BRINP1: variants seen among roughly 807,000 people sequenced by gnomAD.
BRINP1 encodes the protein BMP/retinoic acid inducible neural specific 1, also known as BMP/retinoic acid-inducible neural-specific protein 1.
In BRINP1, 17 loss-of-function variants were observed where a neutral mutation model predicts 72.9. The ratio of observed to expected loss-of-function variants is 0.23; its 90% CI spans 0.16 to 0.35. The LOEUF is 0.35. Ranked by LOEUF, BRINP1 falls within the 10% of genes least tolerant of loss-of-function variation. BRINP1 has a pLI of 1.00. For synonymous variants in BRINP1, 418 were observed against 378.5 expected (o/e 1.10, Z -1.21); for missense variants, 850 against 1,001.6 (o/e 0.85, Z 2.04).
intron 7 of BRINP1, among the ~76,000 whole-genome samples, chr9:119,188,614 T>A (rs532455631): frequency 6.6e-6 from 1 of 151,922 alleles, no homozygotes; most frequent in African/African-American, 2.4e-5. Flanking sequence ...GTTTTAAAAA[T>A]AATCATAAAA....
intron 1 of BRINP1, among the ~76,000 whole-genome samples, chr9:119,352,159 C>A (rs1015559262): frequency 6.6e-6 from 1 of 152,164 alleles, no homozygotes; most frequent in African/African-American, 2.4e-5. Flanking sequence ...AAGTCAGCAA[C>A]CATCCCAAGA....
intron 7 of BRINP1, among the ~76,000 whole-genome samples, chr9:119,184,925 AAAT>A (rs1307062815): frequency 1.2e-4 from 19 of 152,192 alleles, no homozygotes; most frequent in African/African-American, 4.6e-4. Flanking sequence ...TGAGAAAAGG[AAAT>A]AATAATGCTT....
chr9:119,335,569 G>A (rs1425959479), intron 1 of BRINP1, among the ~76,000 whole-genome samples: 1 of 151,996 alleles, frequency 6.6e-6, no homozygotes, highest in East Asian at 1.9e-4. Context: ...TCAGTGATTT[G>A]ATCAACAGGA....
At chr9:119,201,187 G>A (rs1380717069) in intron 7 of BRINP1, among the ~76,000 whole-genome samples, 1 of 152,190 alleles carries the variant, frequency 6.6e-6, no homozygotes, top group Non-Finnish European at 1.5e-5. Context: ...AGTAGATTCT[G>A]GGAGACTTAG....
At chr9:119,242,251 T>A (rs1453294963) in intron 3 of BRINP1, 35 bp from the exon 4 acceptor site, 1 of 1,597,084 alleles carries the variant, frequency 6.3e-7, no homozygotes, top group Non-Finnish European at 8.6e-7. Context: ...AGAAGGTTTG[T>A]GGAGCTTTCA....
chr9:119,261,862 G>A (rs778466045), intron 2 of BRINP1, among the ~76,000 whole-genome samples: 1 of 125,592 alleles, frequency 8.0e-6, no homozygotes, highest in South Asian at 2.5e-4. Flanking sequence ...TCTTTTCCTC[G>A]CCTCTCTTTC....
At chr9:119,323,405 G>C (rs1458294534) in intron 1 of BRINP1, among the ~76,000 whole-genome samples, 1 of 152,224 alleles carries the variant, frequency 6.6e-6, no homozygotes, top group Non-Finnish European at 1.5e-5. Flanking sequence ...ATAGATCAGA[G>C]GTGGGCCACC....
chr9:119,167,992 G>A lies in BRINP1; in HGVS notation c.1378C>T (p.Arg460Cys), dbSNP rs370571795. Reference protein sequence around the residue: ...CNKGYKLYRGRCEPQNVDSER... With the variant: ...CNKGYKLYRGCCEPQNVDSER... ...GAGTCCACGTTCTGTGGTTCACAGC[G>A]GCCTCGATACAGCTTGTAGCCCTTG... The change falls in exon 8 of 8, where the codon CGC (arginine) becomes TGC (cysteine). Residue 460 changes from arginine to cysteine, a missense_variant. Transcript: ENST00000265922. The surrounding 1 kb of genome is among the most constrained non-coding windows in gnomAD (Gnocchi z 4.3). 2.4e-5 allele frequency: 38 copies of A among 1,614,212 alleles called. No homozygotes were observed. The highest frequency in any genetic ancestry group is 1.7e-4 in the Middle Eastern group (1 of 6,060).
chr9:119,211,377 A>G (rs1829925493), intron 6 of BRINP1, among the ~76,000 whole-genome samples: 1 of 152,088 alleles, frequency 6.6e-6, no homozygotes, highest in Non-Finnish European at 1.5e-5. Flanking sequence ...TTGTAGTTTT[A>G]GTAGAGACAG....
chr9:119,253,258 C>T (rs1488616636), intron 2 of BRINP1, among the ~76,000 whole-genome samples: 3 of 152,154 alleles, frequency 2.0e-5, no homozygotes, highest in African/African-American at 4.8e-5. Context: ...AATGCCACTA[C>T]TAGGCATATA....
At chr9:119,292,544 A>C (rs1830830878) in intron 2 of BRINP1, among the ~76,000 whole-genome samples, 1 of 152,238 alleles carries the variant, frequency 6.6e-6, no homozygotes, top group South Asian at 2.1e-4. Context: ...AAACGAATGA[A>C]TGAAAACAAA....
chr9:119,365,030 C>T (rs1304170657), intron 1 of BRINP1, among the ~76,000 whole-genome samples: 1 of 152,064 alleles, frequency 6.6e-6, no homozygotes, highest in Non-Finnish European at 1.5e-5. Flanking sequence ...TGTGTCAGTC[C>T]CTGGAATACA....
chr9:119,355,714 G>A (rs531430620), intron 1 of BRINP1, among the ~76,000 whole-genome samples: 14 of 141,112 alleles, frequency 9.9e-5, no homozygotes, highest in Admixed American at 2.2e-4. Context: ...GGGCGACAGA[G>A]CAAGACTCCG....
chr9:119,278,879 T>G (rs1830681516), intron 2 of BRINP1, among the ~76,000 whole-genome samples: 1 of 152,026 alleles, frequency 6.6e-6, no homozygotes, highest in Non-Finnish European at 1.5e-5. Context: ...AGAGCTAGAC[T>G]CCATCTCAAA....
At chr9:119,347,094 G>A (rs1831459765) in intron 1 of BRINP1, among the ~76,000 whole-genome samples, 1 of 152,152 alleles carries the variant, frequency 6.6e-6, no homozygotes, top group Admixed American at 6.5e-5. Flanking sequence ...CAATCACCTT[G>A]AAAAGGCTTG....
chr9:119,244,224 C>T lies in BRINP1; in HGVS notation c.410-2008G>A, dbSNP rs887839361. Among the ~76,000 whole-genome samples the T allele has an allele frequency of 6.6e-5, 10 of 152,262 alleles. No homozygotes were observed. In the East Asian group the frequency reaches 1.3e-3, roughly 21 times the overall value. On this transcript the variant is annotated intron_variant, in intron 3 of 7. Transcript: ENST00000265922. Reference sequence around the variant, plus strand: ...GTTGAGTTCATGGTAAAGCACTTGGCGTTTGCAGTTTTCCTAGAAGCTTTA... The same window carrying T: ...GTTGAGTTCATGGTAAAGCACTTGGTGTTTGCAGTTTTCCTAGAAGCTTTA...
At chr9:119,366,677 G>A (rs1378342186) in intron 1 of BRINP1, among the ~76,000 whole-genome samples, 2 of 151,856 alleles carry the variant, frequency 1.3e-5, no homozygotes, top group Admixed American at 6.6e-5. Flanking sequence ...GAAGACAAGC[G>A]ATTGTCTTGG....
chr9:119,304,376 G>C (rs527765557), intron 2 of BRINP1, among the ~76,000 whole-genome samples: 3 of 152,162 alleles, frequency 2.0e-5, no homozygotes, highest in Non-Finnish European at 4.4e-5. Context: ...AGCGACCATT[G>C]TATGGTTCAC....
chr9:119,323,293 G>C (rs1263267630), intron 1 of BRINP1, among the ~76,000 whole-genome samples: 1 of 152,192 alleles, frequency 6.6e-6, no homozygotes, highest in Non-Finnish European at 1.5e-5. Context: ...TCCAAAGAGA[G>C]AAATCTAAAG....
Sources: allele counts gnomAD v4.1 joint callset (sites outside exome capture counted in the v4.1 genomes callset), GRCh38; gene constraint gnomAD v4.1.1; non-coding constraint Gnocchi (gnomAD v3.1); transcripts MANE v1.5; gene names NCBI Gene and HGNC (gene_info 2026-07-23, HGNC 2026-07-21).